FAT3: variants seen among roughly 807,000 people sequenced by gnomAD.
The protein encoded by FAT3 is protocadherin Fat 3.
Under a neutral mutation model 310.2 loss-of-function variants are expected in FAT3, and 95 were observed. The observed-to-expected ratio is 0.31, with a 90% CI of 0.26 to 0.36. The LOEUF (loss-of-function observed/expected upper bound fraction) is 0.36, where lower values mean the gene tolerates loss of function less well. FAT3 is among the 10% of genes least tolerant of loss of function. The probability of loss-of-function intolerance (pLI) is 1.00; values close to 1 mark genes in which losing one functional copy is unlikely to be tolerated. For missense variants in FAT3, 5,408 were observed against 5,715.6 expected, an observed-to-expected ratio of 0.95 and a Z score of 1.74; for synonymous variants, 2,314 against 2,192.9, an observed-to-expected ratio of 1.06 and a Z score of -1.54.
intron 2 of FAT3, among the ~76,000 whole-genome samples, chr11:92,515,428 G>T (rs140811865): frequency 2.0e-5 from 3 of 152,182 alleles, no homozygotes; most frequent in African/African-American, 7.2e-5. Context: ...ACATGAGTAA[G>T]AAAGTAAAAT....
At position 92,593,186 on chromosome 11, in the gene FAT3, A is replaced by G. The variant is rs1441594535; in HGVS notation, c.3607+68238A>G. Among the ~76,000 whole-genome samples, 3 of 151,328 alleles carry G rather than the reference A, an allele frequency of 2.0e-5. No individual in the cohort carries two copies. The East Asian group carries it at 5.9e-4, about 30-fold the overall frequency. The stretch of plus-strand genomic sequence containing the variant: ...ATTCCATTGTGTGTGTGCATACCAC[A>G]TTTTTTTTTATCCATTCATCTGTCC... On this transcript the variant is annotated intron_variant, in intron 3 of 27. Transcript: ENST00000525166.
At chr11:92,759,931 A>G (rs1455510304) in intron 4 of FAT3, among the ~76,000 whole-genome samples, 1 of 152,028 alleles carries the variant, frequency 6.6e-6, no homozygotes, top group African/African-American at 2.4e-5. Context: ...AGACATTGAG[A>G]GTTGTCTGAA....
chr11:92,282,582 T>G (rs1565199479), intron 1 of FAT3, among the ~76,000 whole-genome samples: 1 of 151,610 alleles, frequency 6.6e-6, no homozygotes, highest in Non-Finnish European at 1.5e-5. Context: ...GGAGAATCAC[T>G]TGAACCTGGA....
intron 2 of FAT3, among the ~76,000 whole-genome samples, chr11:92,462,153 T>C (rs2135113327): frequency 6.6e-6 from 1 of 152,316 alleles, no homozygotes. Flanking sequence ...GAGGTTGTTT[T>C]TATTTTTATT....
chr11:92,678,150 G>A (rs575731900), intron 3 of FAT3, among the ~76,000 whole-genome samples: 1 of 152,270 alleles, frequency 6.6e-6, no homozygotes, highest in East Asian at 1.9e-4. Flanking sequence ...ATCAGAGGCT[G>A]AAGTGAAATT....
chr11:92,345,128 C>G (rs1276248837), intron 1 of FAT3, among the ~76,000 whole-genome samples: 1 of 152,080 alleles, frequency 6.6e-6, no homozygotes, highest in African/African-American at 2.4e-5. Flanking sequence ...CACAGGGTCT[C>G]TATGTTTTAT....
At chr11:92,478,808 G>A (rs904066845) in intron 2 of FAT3, among the ~76,000 whole-genome samples, 10 of 151,976 alleles carry the variant, frequency 6.6e-5, no homozygotes, top group African/African-American at 2.2e-4. Flanking sequence ...ATTTTTAGTA[G>A]AGATGGGGTT....
intron 1 of FAT3, among the ~76,000 whole-genome samples, chr11:92,234,733 C>A (rs1864342364): frequency 6.6e-6 from 1 of 151,998 alleles, no homozygotes; most frequent in Admixed American, 6.6e-5. Context: ...GAAACCGTAT[C>A]TCTACTAAAA....
chr11:92,737,757 G>A (rs762499105), intron 4 of FAT3, among the ~76,000 whole-genome samples: 2 of 151,746 alleles, frequency 1.3e-5, no homozygotes, highest in East Asian at 1.9e-4. Context: ...TGGGAAGAAC[G>A]AACTTTGTTT....
chr11:92,417,349 T>C (rs1205607664), intron 2 of FAT3, among the ~76,000 whole-genome samples: 2 of 152,348 alleles, frequency 1.3e-5, no homozygotes, highest in Non-Finnish European at 2.9e-5. Flanking sequence ...TAATATGTAT[T>C]GGATGCCTCT....
At chr11:92,595,982 G>A (rs1402922648) in intron 3 of FAT3, among the ~76,000 whole-genome samples, 2 of 152,180 alleles carry the variant, frequency 1.3e-5, no homozygotes, top group East Asian at 1.9e-4. Context: ...ATGTTTGTGA[G>A]TATGGCTCGT....
chr11:92,542,789 A>T (rs1954492868), intron 3 of FAT3, among the ~76,000 whole-genome samples: 1 of 152,118 alleles, frequency 6.6e-6, no homozygotes, highest in African/African-American at 2.4e-5. Flanking sequence ...AAAAAAAAAT[A>T]AAGTTACCAT....
At chr11:92,758,836 ATAGT>A (rs1049903414) in intron 4 of FAT3, among the ~76,000 whole-genome samples, 24 of 152,228 alleles carry the variant, frequency 1.6e-4, no homozygotes, top group Middle Eastern at 3.4e-3. Context: ...TTGGATATAG[ATAGT>A]TAGACAGAGG....
intron 2 of FAT3, among the ~76,000 whole-genome samples, chr11:92,511,696 T>G (rs1953296848): frequency 6.6e-6 from 1 of 152,084 alleles, no homozygotes; most frequent in African/African-American, 2.4e-5. Flanking sequence ...CCTTGAGGGT[T>G]GAGGAGCAAA....
intron 3 of FAT3, among the ~76,000 whole-genome samples, chr11:92,687,861 G>A (rs1481611207): frequency 6.6e-6 from 1 of 151,890 alleles, no homozygotes; most frequent in Non-Finnish European, 1.5e-5. Flanking sequence ...GGGAAGGCAG[G>A]GCTTCCTGTC....
chr11:92,268,470 CTT>C lies in FAT3; in HGVS notation c.-18+43307_-18+43308del, dbSNP rs11359061. 3.6e-3 allele frequency among the ~76,000 whole-genome samples: 523 copies of C among 146,000 alleles called. 1 individual carries two copies. The highest frequency in any genetic ancestry group is 0.012 in the African/African-American group (484 of 40,042). On this transcript the variant is annotated intron_variant, in intron 1 of 27. Transcript: ENST00000525166. ...TGTAACAGAAATTGGTATAGATTTC[CTT>C]TTTTTTTTTTAATTTTTAAAAGATA...
intron 4 of FAT3, among the ~76,000 whole-genome samples, chr11:92,752,063 C>T (rs191658365): frequency 6.6e-6 from 1 of 152,126 alleles, no homozygotes; most frequent in African/African-American, 2.4e-5. Context: ...ATGTTTTAGA[C>T]CAGGAGTCAG....
intron 4 of FAT3, among the ~76,000 whole-genome samples, chr11:92,707,690 C>T (rs916697713): frequency 6.6e-6 from 1 of 152,142 alleles, no homozygotes; most frequent in Non-Finnish European, 1.5e-5. Context: ...TTCCATAGCT[C>T]CTTTTCCTTC....
chr11:92,799,335 G>C lies in FAT3; in HGVS notation c.6322G>C (p.Ala2108Pro). 6.2e-7 allele frequency: 1 copy of C among 1,613,932 alleles called. No individual in the cohort carries two copies. The highest frequency in any genetic ancestry group is 8.5e-7 in the Non-Finnish European group (1 of 1,179,862). Residue 2108 changes from alanine (A) to proline (P), a missense_variant, in exon 10 of 28, where the codon GCC becomes CCC. Physicochemically the swap from Ala to Pro is conservative, Grantham distance 27. Transcript: ENST00000525166. ...EPGTLIYQVT[A>P]IDKDKGPNGE... Reference sequence around the variant, plus strand: ...CGGGACTCTGATTTATCAGGTGACAGCCATTGACAAAGATAAAGGTCCAAA... The same window carrying C: ...CGGGACTCTGATTTATCAGGTGACACCCATTGACAAAGATAAAGGTCCAAA...
Sources: allele counts gnomAD v4.1 joint callset (sites outside exome capture counted in the v4.1 genomes callset), GRCh38; gene constraint gnomAD v4.1.1; transcripts MANE v1.5; gene names NCBI Gene and HGNC (gene_info 2026-07-23, HGNC 2026-07-21).